Variants in RBFOX3 observed in about 807,000 individuals in gnomAD.
RBFOX3 encodes RNA binding protein fox-1 homolog 3.
A neutral mutation model predicts 48.7 loss-of-function variants in RBFOX3; 17 were observed. The ratio of observed to expected loss-of-function variants is 0.35; its 90% CI spans 0.24 to 0.52. The LOEUF is 0.52. Ranked by LOEUF, RBFOX3 falls within the 20% of genes least tolerant of loss-of-function variation. The pLI, the probability that RBFOX3 is intolerant of heterozygous loss-of-function variation, is 0.94. For missense variants in RBFOX3, 382 were observed against 497.5 expected (o/e 0.77, Z 2.21); for synonymous variants, 212 against 209.5 (o/e 1.01, Z -0.10).
At chr17:79,472,314 T>G (rs2149385717) in intron 2 of RBFOX3, among the ~76,000 whole-genome samples, 1 of 152,272 alleles carries the variant, frequency 6.6e-6, no homozygotes, top group Non-Finnish European at 1.5e-5. Context: ...GTTGCAAAAA[T>G]AGTACAGAAA....
At chr17:79,461,893 C>T (rs1334757551) in intron 2 of RBFOX3, among the ~76,000 whole-genome samples, 11 of 152,230 alleles carry the variant, frequency 7.2e-5, no homozygotes, top group African/African-American at 2.7e-4. Flanking sequence ...CAGCAACCCC[C>T]AGAAGGTGCA....
intron 1 of RBFOX3, among the ~76,000 whole-genome samples, chr17:79,586,442 G>A (rs2093252217): frequency 1.3e-5 from 2 of 152,206 alleles, no homozygotes; most frequent in South Asian, 4.1e-4. Context: ...ATGACCCCTG[G>A]ACTCATGAGC....
intron 2 of RBFOX3, among the ~76,000 whole-genome samples, chr17:79,383,156 G>T (rs1246049564): frequency 6.6e-6 from 1 of 152,068 alleles, no homozygotes; most frequent in Admixed American, 6.5e-5. Context: ...TCACAGCACA[G>T]AAGAGGATGG....
At chr17:79,665,032 A>G in the RBFOX3 span, among the ~76,000 whole-genome samples, 1 of 152,120 alleles carries the variant, frequency 6.6e-6, no homozygotes, top group Non-Finnish European at 1.5e-5. Flanking sequence ...GGTTGCTTCC[A>G]TCTTTCGGCT....
Position 79,295,629 on chromosome 17 carries a change from T to C in RBFOX3, c.-74+12095A>G, listed in dbSNP as rs1024291644. Among the ~76,000 whole-genome samples the C allele has an allele frequency of 2.0e-5, 3 of 152,298 alleles. No individual in the cohort carries two copies. In the South Asian group the frequency reaches 6.2e-4, roughly 32 times the overall value. On this transcript the variant is annotated intron_variant, in intron 3 of 14. Coordinates refer to ENST00000693108, the MANE Select transcript of RBFOX3 (RefSeq NM_001350451.2). ...GTTGGCTTACATTTTGTTTGATTTG[T>C]TTTTCTCTGAGTTTTCAGCCATTCT...
chr17:79,192,804 C>T (rs117142089), intron 4 of RBFOX3, among the ~76,000 whole-genome samples: 11,365 of 152,246 alleles, frequency 0.075, 551 homozygotes, highest in South Asian at 0.13. Flanking sequence ...CAGCGGCTAG[C>T]CCTGCTGATG....
rs531520834 is a variant in RBFOX3, at chr17:79,214,317, T to C, written c.-34+21449A>G. On this transcript the variant is annotated intron_variant, in intron 4 of 14. Transcript: ENST00000693108. This position sits in a 1 kb window ranked among gnomAD's most constrained non-coding sequence, Gnocchi z 4.7. The stretch of plus-strand genomic sequence containing the variant: ...TTTGCTTAATGATTTTTAATAAAAA[T>C]CAGACATGGTCATGGAGGTGCCTCA... 6.2e-4 allele frequency among the ~76,000 whole-genome samples: 94 copies of C among 152,196 alleles called. No homozygotes were observed. The highest frequency in any genetic ancestry group is 1.5e-4 in the Non-Finnish European group (10 of 68,038).
chr17:79,463,154 A>G (rs797043118), intron 2 of RBFOX3, among the ~76,000 whole-genome samples: 5,778 of 92,740 alleles, frequency 0.062, 439 homozygotes, highest in African/African-American at 0.2. Context: ...CACCTCCACC[A>G]CCATCGCCAC....
intron 4 of RBFOX3, among the ~76,000 whole-genome samples, chr17:79,123,866 C>T (rs1490710088): frequency 3.9e-5 from 6 of 152,202 alleles, no homozygotes; most frequent in Non-Finnish European, 5.9e-5. Context: ...TGCTCTGTGT[C>T]CACTGCCTCG....
intron 2 of RBFOX3, among the ~76,000 whole-genome samples, chr17:79,317,627 CAAACACAGACTTGA>C (rs2077720813): frequency 2.0e-5 from 3 of 152,328 alleles, no homozygotes; most frequent in Admixed American, 6.5e-5. Flanking sequence ...TCAAAGGGGA[CAAACACAGACTTGA>C]AATTGTCTGC....
chr17:79,097,421 G>C lies in RBFOX3; in HGVS notation c.626C>G (p.Thr209Arg). The C allele has an allele frequency of 6.5e-7, 1 of 1,545,000 alleles. No homozygotes were observed. Among genetic ancestry groups the C allele is most frequent in the Non-Finnish European group, 8.7e-7 (1 of 1,144,366 alleles). Residue 209 changes from threonine to arginine, a missense_variant, in exon 11 of 15, where the codon ACG becomes AGG. Physicochemically the swap from Thr to Arg is moderately conservative, Grantham distance 71 (BLOSUM62 -1). This residue lies in a region of RBFOX3 where 215 missense variants were observed against 254.8 expected (regional missense o/e 0.84). Transcript: ENST00000693108. ...GCCGGTGGTGGGGTAGGGGAACCCC[G>C]TCACTGCAGGAAACGGGGCCCGAGA... Reference protein sequence around the residue: ...AVYGPEFYAVTGFPYPTTGTA... With the variant: ...AVYGPEFYAVRGFPYPTTGTA...
intron 1 of RBFOX3, among the ~76,000 whole-genome samples, chr17:79,594,283 C>T (rs1180415957): frequency 6.6e-6 from 1 of 152,176 alleles, no homozygotes; most frequent in Non-Finnish European, 1.5e-5. Flanking sequence ...GGTCTTTCTT[C>T]TAGAAGATTC....
intron 2 of RBFOX3, among the ~76,000 whole-genome samples, chr17:79,415,187 C>T (rs1456034658): frequency 6.6e-6 from 1 of 152,188 alleles, no homozygotes; most frequent in African/African-American, 2.4e-5. Flanking sequence ...TGCCGAGGTA[C>T]CTGGGCCGAG....
At chr17:79,156,963 C>T (rs907218361) in intron 4 of RBFOX3, among the ~76,000 whole-genome samples, 1 of 152,170 alleles carries the variant, frequency 6.6e-6, no homozygotes, top group African/African-American at 2.4e-5. Context: ...GAATTTCATC[C>T]CTGGCAAGCT....
chr17:79,376,444 C>T (rs748926267), intron 2 of RBFOX3, among the ~76,000 whole-genome samples: 7 of 152,188 alleles, frequency 4.6e-5, no homozygotes, highest in Non-Finnish European at 8.8e-5. Context: ...ACTGGGGAGA[C>T]TGGAGCTGCC....
At chr17:79,191,619 C>T (rs566523696) in intron 4 of RBFOX3, among the ~76,000 whole-genome samples, 2 of 152,212 alleles carry the variant, frequency 1.3e-5, no homozygotes, top group East Asian at 1.9e-4. Context: ...GGGGCCGGGC[C>T]ATGGAGTGAC....
intron 2 of RBFOX3, among the ~76,000 whole-genome samples, chr17:79,317,029 CACATCCTTCAAAGAAAGGA>C (rs1279883375): frequency 3.9e-5 from 6 of 152,180 alleles, no homozygotes; most frequent in Non-Finnish European, 4.4e-5. Context: ...CGTGCACATA[CACATCCTTCAAAGAAAGGA>C]GCTGACCCTC....
At chr17:79,502,868 A>G (rs1283758394) in intron 1 of RBFOX3, among the ~76,000 whole-genome samples, 3 of 152,110 alleles carry the variant, frequency 2.0e-5, no homozygotes, top group African/African-American at 4.8e-5. Flanking sequence ...CCCTGCCGCC[A>G]CCACCCTGGC....
chr17:79,379,907 C>G (rs140891459), intron 2 of RBFOX3, among the ~76,000 whole-genome samples: 21 of 152,160 alleles, frequency 1.4e-4, no homozygotes, highest in Non-Finnish European at 2.8e-4. Context: ...TCTGCATGTG[C>G]GTCCTGCAGC....
Sources: gnomAD v4.1 joint callset for allele counts (sites outside exome capture counted in the v4.1 genomes callset) on GRCh38, gnomAD v4.1.1 for gene constraint, gnomAD v4.1.1 regional missense constraint, Gnocchi (gnomAD v3.1) non-coding constraint, MANE v1.5 for transcripts, NCBI Gene and HGNC (gene_info 2026-07-23, HGNC 2026-07-21) for gene names.